The following DISP1 variants were observed in gnomAD, a reference collection of about 807,000 sequenced individuals.
DISP1 encodes the protein protein dispatched homolog 1.
DISP1 carries 30 observed loss-of-function variants against 37.3 expected under a neutral mutation model. The ratio of observed to expected loss-of-function variants is 0.80; its 90% CI spans 0.60 to 1.09. The LOEUF (loss-of-function observed/expected upper bound fraction) is 1.09. DISP1 is among the 50% of genes least tolerant of loss of function. DISP1 has a pLI of 0.00. For missense variants in DISP1, 1,598 were observed against 1,879.5 expected (o/e 0.85, Z 2.77); for synonymous variants, 634 against 690.2 (o/e 0.92, Z 1.28).
intron 1 of DISP1, among the ~76,000 whole-genome samples, chr1:222,842,357 G>A (rs1363895344): frequency 1.3e-5 from 2 of 150,876 alleles, no homozygotes; most frequent in African/African-American, 4.9e-5. Flanking sequence ...TATAGCCACA[G>A]CAGAAGGGTT....
intron 1 of DISP1, among the ~76,000 whole-genome samples, chr1:222,843,544 G>C (rs922567464): frequency 8.1e-5 from 12 of 147,348 alleles, no homozygotes; most frequent in Admixed American, 2.0e-4. Context: ...GCAGGGGAGA[G>C]ACCTTCTCTA....
intron 3 of DISP1, among the ~76,000 whole-genome samples, chr1:222,980,189 A>G (rs1211529816): frequency 2.6e-5 from 4 of 152,244 alleles, no homozygotes; most frequent in Admixed American, 2.0e-4. Context: ...ATTAACATTT[A>G]TGTTTAAGTT....
At chr1:222,925,396 C>T (rs1453924285) in intron 1 of DISP1, among the ~76,000 whole-genome samples, 1 of 152,004 alleles carries the variant, frequency 6.6e-6, no homozygotes, top group African/African-American at 2.4e-5. Context: ...ATAAAGTGAA[C>T]CAAAATACTG....
intron 3 of DISP1, among the ~76,000 whole-genome samples, chr1:222,972,670 TTC>T (rs1309047857): frequency 5.3e-5 from 8 of 152,216 alleles, no homozygotes; most frequent in Non-Finnish European, 8.8e-5. Context: ...TTAATTCTAA[TTC>T]TGTTTCTTAG....
intron 4 of DISP1, among the ~76,000 whole-genome samples, chr1:222,984,676 G>A (rs1045074723): frequency 6.6e-6 from 1 of 151,802 alleles, no homozygotes; most frequent in African/African-American, 2.4e-5. Context: ...TAAGAGTACA[G>A]TTCATTGGCA....
In DISP1 at chr1:222,979,559, T is replaced by C; in HGVS notation, c.510-3521T>C. ...TGAATTATATCTCAATAAAACTCATTGAAAAATCAATGTGTAATTGTATTT... is the reference window on the plus strand; with the variant it reads ...TGAATTATATCTCAATAAAACTCATCGAAAAATCAATGTGTAATTGTATTT... On this transcript the variant is annotated intron_variant, in intron 3 of 8. Transcript: ENST00000675850. The C allele has an allele frequency of 8.5e-6, 4 of 470,256 alleles. No individual in the cohort carries two copies. In the Middle Eastern group the frequency reaches 9.8e-4, roughly 115 times the overall value. 29.1% of individuals were successfully genotyped at this position (470,256 alleles called of 1,614,324 possible). A position where few individuals can be genotyped will look rare whatever the true frequency, so the allele number is the denominator to read the frequency against.
intron 1 of DISP1, among the ~76,000 whole-genome samples, chr1:222,854,063 T>C (rs944743569): frequency 3.3e-5 from 5 of 152,158 alleles, no homozygotes; most frequent in South Asian, 2.1e-4. Flanking sequence ...TTGAAACATA[T>C]AAAATTTGCT....
Position 223,003,618 on chromosome 1 carries a change from A to G in DISP1, c.2221A>G (p.Lys741Glu), listed in dbSNP as rs1182254613. The change falls in exon 9 of 9, where the codon AAG (lysine) becomes GAG (glutamate). Residue 741 changes from lysine to glutamate, a missense_variant. Lys to Glu is a moderately conservative substitution (Grantham distance 56, BLOSUM62 1). Coordinates refer to ENST00000675850, the MANE Select transcript of DISP1 (RefSeq NM_001377229.1). This position sits in a 1 kb window ranked among gnomAD's most constrained non-coding sequence, Gnocchi z 4.3. The part of the protein sequence containing the change: ...GGAYIVCINP[K>E]MKLPSLELSE... ...GGCCTACATTGTATGTATAAATCCA[A>G]AGATGAAACTGCCCTCACTGGAGTT... 5 of 1,614,182 alleles carry G rather than the reference A, an allele frequency of 3.1e-6. No homozygotes were observed. Among genetic ancestry groups the G allele is most frequent in the South Asian group, 2.2e-5 (2 of 91,086 alleles).
intron 1 of DISP1, among the ~76,000 whole-genome samples, chr1:222,921,687 A>C (rs1672816945): frequency 6.6e-6 from 1 of 152,200 alleles, no homozygotes; most frequent in Non-Finnish European, 1.5e-5. Flanking sequence ...ACATTTCAAT[A>C]CTGTATTCTG....
chr1:222,950,826 G>A (rs150769358), intron 3 of DISP1, among the ~76,000 whole-genome samples: 188 of 152,342 alleles, frequency 1.2e-3, no homozygotes, highest in Middle Eastern at 0.01. Context: ...GTATTAAAGT[G>A]AAAGAGTAGT....
At chr1:222,901,516 TG>T (rs953886005) in intron 1 of DISP1, among the ~76,000 whole-genome samples, 2 of 151,588 alleles carry the variant, frequency 1.3e-5, no homozygotes, top group East Asian at 3.9e-4. Context: ...TTTGTTTGTT[TG>T]TTTTTTTGTT....
At chr1:222,826,806 A>G (rs1427169815) in intron 1 of DISP1, among the ~76,000 whole-genome samples, 2 of 152,238 alleles carry the variant, frequency 1.3e-5, no homozygotes, top group South Asian at 2.1e-4. Flanking sequence ...TCAGGGAGCT[A>G]CTAACTAAAA....
At chr1:222,872,031 A>ATG (rs1469017133) in intron 1 of DISP1, among the ~76,000 whole-genome samples, 514 of 152,178 alleles carry the variant, frequency 3.4e-3, no homozygotes, top group African/African-American at 0.012. Flanking sequence ...CCTTTTCTGC[A>ATG]TCTATTGAGA....
intron 1 of DISP1, among the ~76,000 whole-genome samples, chr1:222,816,645 T>C (rs913536854): frequency 1.4e-4 from 21 of 152,348 alleles, no homozygotes; most frequent in Admixed American, 3.9e-4. Flanking sequence ...TTGATGGCCT[T>C]GAATATCTGT....
At chr1:222,854,268 T>C (rs186951540) in intron 1 of DISP1, among the ~76,000 whole-genome samples, 4 of 152,310 alleles carry the variant, frequency 2.6e-5, no homozygotes, top group Non-Finnish European at 4.4e-5. Context: ...GGGTAATTTA[T>C]AGAGAAAAGA....
chr1:223,002,255 A>T, intron 8 of DISP1, 130 bp from the exon 9 acceptor site: 1 of 898,330 alleles, frequency 1.1e-6, no homozygotes, highest in Non-Finnish European at 1.8e-6. Flanking sequence ...TTCCTAGTTT[A>T]AGTGGATAAT....
rs568531103 is a variant in DISP1, at chr1:222,979,555, T to C, written c.510-3525T>C. ...TATATGAATTATATCTCAATAAAACTCATTGAAAAATCAATGTGTAATTGT... is the reference window on the plus strand; with the variant it reads ...TATATGAATTATATCTCAATAAAACCCATTGAAAAATCAATGTGTAATTGT... On this transcript the variant is annotated intron_variant, in intron 3 of 8. Coordinates refer to ENST00000675850, the MANE Select transcript of DISP1 (RefSeq NM_001377229.1). 7.8e-4 allele frequency: 365 copies of C among 470,062 alleles called. 1 individual carries two copies. The highest frequency in any genetic ancestry group is 6.8e-3 in the African/African-American group (340 of 50,140). 29.1% of individuals were successfully genotyped at this position (470,062 alleles called of 1,614,324 possible).
chr1:222,920,259 T>C (rs1448217596), intron 1 of DISP1, among the ~76,000 whole-genome samples: 1 of 152,184 alleles, frequency 6.6e-6, no homozygotes, highest in Non-Finnish European at 1.5e-5. Flanking sequence ...CAAGACATAG[T>C]GGTCTTCATT....
intron 3 of DISP1, among the ~76,000 whole-genome samples, chr1:222,958,019 G>A (rs560615442): frequency 2.0e-5 from 3 of 152,330 alleles, no homozygotes; most frequent in African/African-American, 7.2e-5. Context: ...ACATCACGTA[G>A]AAATGCCTTC....
Sources: allele counts gnomAD v4.1 joint callset (sites outside exome capture counted in the v4.1 genomes callset), GRCh38; gene constraint gnomAD v4.1.1; non-coding constraint Gnocchi (gnomAD v3.1); transcripts MANE v1.5; gene names NCBI Gene and HGNC (gene_info 2026-07-23, HGNC 2026-07-21).